SENP6: variants seen among roughly 807,000 people sequenced by gnomAD.
SENP6 encodes SUMO specific peptidase 6.
Under a neutral mutation model 134.5 loss-of-function variants are expected in SENP6, and 41 were observed. That is an observed-to-expected ratio of 0.30 (90% CI 0.24 to 0.40). The LOEUF (loss-of-function observed/expected upper bound fraction) is 0.40. Among genes scored for constraint, SENP6 ranks in the 10% least tolerant of loss-of-function variants. The pLI, the probability that SENP6 is intolerant of heterozygous loss-of-function variation, is 1.00. For missense variants in SENP6, 1,248 were observed against 1,312.5 expected (o/e 0.95, Z 0.76); for synonymous variants, 395 against 429.8 (o/e 0.92, Z 1.00).
At chr6:75,641,912 T>TA (rs796948338) in intron 6 of SENP6, among the ~76,000 whole-genome samples, 91 of 144,312 alleles carry the variant, frequency 6.3e-4, no homozygotes, top group South Asian at 9.4e-4. Flanking sequence ...TTGAATCAAT[T>TA]AAAAAAAAAA....
chr6:75,710,004 A>G (rs1775659739), intron 20 of SENP6, among the ~76,000 whole-genome samples: 1 of 152,112 alleles, frequency 6.6e-6, no homozygotes, highest in East Asian at 1.9e-4. Context: ...ACTTTAATGT[A>G]ATACTGATTA....
chr6:75,675,054 C>G (rs907597719), intron 11 of SENP6, among the ~76,000 whole-genome samples: 1 of 151,868 alleles, frequency 6.6e-6, no homozygotes, highest in Non-Finnish European at 1.5e-5. Flanking sequence ...CATGTTGTAA[C>G]CACCAGTAAT....
In SENP6 at chr6:75,715,680, C is replaced by A; in HGVS notation, c.*86C>A. ...AGACAATAAAGAACTGAAGTGCTCA[C>A]TACTCAGTGATTTGGAAATTTTGAT... On this transcript the variant is annotated 3_prime_UTR_variant, in exon 24 of 24. Coordinates refer to ENST00000447266, the MANE Select transcript of SENP6 (RefSeq NM_015571.4). 2.2e-6 allele frequency: 2 copies of A among 915,684 alleles called. No individual in the cohort carries two copies. The highest frequency in any genetic ancestry group is 2.5e-5 in the East Asian group (1 of 39,694). The allele number at this position is 915,684 out of a possible 1,614,324, so 56.7% of individuals were successfully genotyped here.
chr6:75,691,624 G>A (rs906277002), intron 16 of SENP6, among the ~76,000 whole-genome samples: 9 of 151,222 alleles, frequency 6.0e-5, no homozygotes, highest in Non-Finnish European at 1.0e-4. Context: ...TTTTGAGACG[G>A]AGCCTCGCTC....
intron 6 of SENP6, chr6:75,647,440 C>T: frequency 4.4e-6 from 1 of 228,148 alleles, no homozygotes. Flanking sequence ...GATTGCTGAT[C>T]TTGTACGTAA....
intron 7 of SENP6, among the ~76,000 whole-genome samples, chr6:75,654,171 C>T (rs1451274662): frequency 6.6e-6 from 1 of 152,148 alleles, no homozygotes; most frequent in Non-Finnish European, 1.5e-5. Context: ...CTGCAGTGAG[C>T]ACAGGTTGAG....
Position 75,640,506 on chromosome 6 carries a change from A to G in SENP6, c.459-178A>G, listed in dbSNP as rs182114183. Among the ~76,000 whole-genome samples the G allele has an allele frequency of 7.9e-5, 12 of 152,132 alleles. No homozygotes were observed. In the East Asian group the frequency reaches 1.9e-3, roughly 24 times the overall value. On this transcript the variant is annotated intron_variant, in intron 5 of 23. Transcript: ENST00000447266. ...GTTTGTTTATTTTGTATATTGACAG[A>G]AATCGAAAAACAATTTAGACATGAC...
At chr6:75,706,082 C>T (rs867978111) in intron 19 of SENP6, among the ~76,000 whole-genome samples, 19 of 151,372 alleles carry the variant, frequency 1.3e-4, no homozygotes, top group Admixed American at 1.3e-4. Context: ...GCTGGGATTA[C>T]GGGTGCGCAC....
chr6:75,657,991 G>A (rs566063681), intron 7 of SENP6, among the ~76,000 whole-genome samples: 5 of 152,238 alleles, frequency 3.3e-5, no homozygotes, highest in Admixed American at 1.3e-4. Context: ...GAATGACAAA[G>A]TCATGATTTT....
Position 75,678,578 on chromosome 6 carries a change from A to AC in SENP6, c.1849-3dup. 7.5e-7 allele frequency: 1 copy of AC among 1,335,076 alleles called. No homozygotes were observed. 82.7% of individuals were successfully genotyped at this position (1,335,076 alleles called of 1,614,324 possible). A position where few individuals can be genotyped will look rare whatever the true frequency, so the allele number is the denominator to read the frequency against. On this transcript the variant is annotated splice_polypyrimidine_tract_variant and splice_region_variant and intron_variant, in intron 14 of 23. Coordinates refer to ENST00000447266, the MANE Select transcript of SENP6 (RefSeq NM_015571.4). The stretch of plus-strand genomic sequence containing the variant: ...GTAAATTGCTAATTTAATTTCCTTT[A>AC]CCAGGTATCATTTGAATCTAAAATA...
At chr6:75,667,869 T>TA (rs1772369081) in intron 10 of SENP6, among the ~76,000 whole-genome samples, 1 of 152,184 alleles carries the variant, frequency 6.6e-6, no homozygotes. Context: ...AATTAGAACT[T>TA]ATATCAGTGA....
chr6:75,629,592 G>T (rs1768956380), intron 3 of SENP6, among the ~76,000 whole-genome samples: 1 of 152,174 alleles, frequency 6.6e-6, no homozygotes, highest in East Asian at 1.9e-4. Flanking sequence ...GAGCCACCAT[G>T]CCCAGCCAGA....
intron 16 of SENP6, among the ~76,000 whole-genome samples, chr6:75,687,204 T>C (rs566238938): frequency 6.6e-6 from 1 of 152,364 alleles, no homozygotes; most frequent in South Asian, 2.1e-4. Flanking sequence ...TTGAAGCTTG[T>C]GCATGTGTCG....
At chr6:75,674,092 C>T (rs139086636) in intron 11 of SENP6, among the ~76,000 whole-genome samples, 1 of 150,156 alleles carries the variant, frequency 6.7e-6, no homozygotes, top group African/African-American at 2.4e-5. Flanking sequence ...TAACATTTTT[C>T]CAAAACATAT....
chr6:75,696,287 T>C (rs144378828), intron 17 of SENP6, among the ~76,000 whole-genome samples: 4 of 152,328 alleles, frequency 2.6e-5, no homozygotes, highest in African/African-American at 9.6e-5. Context: ...TAGAATAGTG[T>C]TTCCCAAATG....
chr6:75,682,909 G>GTACCA, intron 16 of SENP6, among the ~76,000 whole-genome samples: 1 of 152,040 alleles, frequency 6.6e-6, no homozygotes, highest in East Asian at 1.9e-4. Context: ...ATAATCCTTT[G>GTACCA]GGTATATACC....
rs1460118773 is a variant in SENP6 at position 75,647,744 on chromosome 6, C to T, written c.493C>T (p.Pro165Ser). 6.2e-7 allele frequency: 1 copy of T among 1,610,242 alleles called. No individual in the cohort carries two copies. Among genetic ancestry groups the T allele is most frequent in the African/African-American group, 1.3e-5 (1 of 74,788 alleles). Residue 165 changes from proline to serine, a missense_variant, in exon 7 of 24, where the codon CCT (proline) becomes TCT (serine). Around this residue, in one of 3 missense-constraint regions of SENP6, gnomAD observed 733 missense variants for 725.4 expected, o/e 1.01. Coordinates refer to ENST00000447266, the MANE Select transcript of SENP6 (RefSeq NM_015571.4). ...LDRKERKEYP[P>S]HVQKVEINPV... ...TTTCTTTTTTAGGAAAGAATACCCACCTCATGTCCAAAAAGTTGAAATTAA... is the reference window on the plus strand; with the variant it reads ...TTTCTTTTTTAGGAAAGAATACCCATCTCATGTCCAAAAAGTTGAAATTAA...
intron 7 of SENP6, among the ~76,000 whole-genome samples, chr6:75,654,038 G>A (rs594804): frequency 0.31 from 47,057 of 151,980 alleles, 7,955 homozygotes; most frequent in African/African-American, 0.45. Context: ...AGACTGGCCA[G>A]CATAGTGAGA....
At chr6:75,705,534 A>T (rs1775329880) in intron 19 of SENP6, among the ~76,000 whole-genome samples, 1 of 151,596 alleles carries the variant, frequency 6.6e-6, no homozygotes, top group Non-Finnish European at 1.5e-5. Flanking sequence ...ACAGAGCGAG[A>T]CTCCATCTCA....
Sources: gnomAD v4.1 joint callset for allele counts (sites outside exome capture counted in the v4.1 genomes callset) on GRCh38, gnomAD v4.1.1 for gene constraint, gnomAD v4.1.1 regional missense constraint, MANE v1.5 for transcripts, NCBI Gene and HGNC (gene_info 2026-07-23, HGNC 2026-07-21) for gene names.